TBC1D14: variants seen among roughly 807,000 people sequenced by gnomAD.
The protein encoded by TBC1D14 is TBC1 domain family, member 14.
TBC1D14 carries 26 observed loss-of-function variants against 79.0 expected under a neutral mutation model. The observed-to-expected ratio is 0.33, with a 90% CI of 0.24 to 0.46. TBC1D14 has a LOEUF of 0.46. Ranked by LOEUF, TBC1D14 falls within the 20% of genes least tolerant of loss-of-function variation. The pLI, the probability that TBC1D14 is intolerant of heterozygous loss-of-function variation, is 1.00. For synonymous variants in TBC1D14, 394 were observed against 349.9 expected (o/e 1.13, Z -1.40); for missense variants, 769 against 887.6 (o/e 0.87, Z 1.70).
intron 3 of TBC1D14, among the ~76,000 whole-genome samples, chr4:6,981,522 C>T (rs1279403984): frequency 6.6e-6 from 1 of 152,178 alleles, no homozygotes; most frequent in Admixed American, 6.5e-5. Context: ...TACTTCCTCA[C>T]TCATTTTAAA....
intron 2 of TBC1D14, among the ~76,000 whole-genome samples, chr4:6,924,524 C>CA (rs1292495543): frequency 6.6e-6 from 1 of 152,198 alleles, no homozygotes; most frequent in Non-Finnish European, 1.5e-5. Context: ...TGGCATAGTG[C>CA]AGTGCTGGCA....
rs541007963 is a variant in TBC1D14, at chr4:6,924,243, T to G, written c.722+132T>G. The stretch of plus-strand genomic sequence containing the variant: ...CTGTCTCACACAGATAATTGGGTCT[T>G]TTCCCAGAAGCCCGGAATCCTGTGG... On this transcript the variant is annotated intron_variant, in intron 2 of 13. Transcript: ENST00000409757. The G allele has an allele frequency of 1.6e-5, 21 of 1,287,856 alleles. No homozygotes were observed. The East Asian group carries it at 5.2e-4, about 32-fold the overall frequency. 79.8% of individuals were successfully genotyped at this position (1,287,856 alleles called of 1,614,324 possible).
intron 2 of TBC1D14, among the ~76,000 whole-genome samples, chr4:6,946,532 A>C (rs902532019): frequency 3.3e-5 from 5 of 152,146 alleles, no homozygotes. Context: ...CATGTTGGTC[A>C]TGCTGGTCTC....
At chr4:6,965,915 A>G (rs1715660963) in intron 2 of TBC1D14, among the ~76,000 whole-genome samples, 1 of 152,224 alleles carries the variant, frequency 6.6e-6, no homozygotes, top group African/African-American at 2.4e-5. Flanking sequence ...AGGAATTTGT[A>G]GGAGACACTT....
chr4:6,941,106 A>G lies in TBC1D14; in HGVS notation c.722+16995A>G, dbSNP rs75936575. Among the ~76,000 whole-genome samples, 1,138 of 151,568 alleles carry G rather than the reference A, an allele frequency of 7.5e-3. 18 individuals carry two copies. The highest frequency in any genetic ancestry group is 0.026 in the African/African-American group (1,067 of 41,166). On this transcript the variant is annotated intron_variant, in intron 2 of 13. Coordinates refer to ENST00000409757, the MANE Select transcript of TBC1D14 (RefSeq NM_020773.3). ...CCAGTGCTCGAGATGTTTGTTCTGA[A>G]TCCCACCTGGGTTTGATGGTCCATT...
At chr4:7,027,549 C>G (rs1722534500) in intron 13 of TBC1D14, among the ~76,000 whole-genome samples, 1 of 147,252 alleles carries the variant, frequency 6.8e-6, no homozygotes, top group African/African-American at 2.5e-5. Context: ...ACACAATCAC[C>G]ACACACCACA....
chr4:6,974,886 C>G (rs760350568), intron 3 of TBC1D14, among the ~76,000 whole-genome samples: 2 of 150,362 alleles, frequency 1.3e-5, no homozygotes, highest in East Asian at 1.9e-4. Flanking sequence ...TTTTGTGTGT[C>G]TGTTTTGTTT....
chr4:6,944,014 C>T (rs1713178269), intron 2 of TBC1D14, among the ~76,000 whole-genome samples: 1 of 127,676 alleles, frequency 7.8e-6, no homozygotes, highest in Admixed American at 8.7e-5. Flanking sequence ...GTCTGTGAAG[C>T]CGGCGCGTTC....
chr4:6,995,322 T>C (rs1379771874), intron 4 of TBC1D14: 1 of 152,234 alleles, frequency 6.6e-6, no homozygotes, highest in Non-Finnish European at 1.5e-5. Context: ...TCTTCATACA[T>C]ACATGTAACA....
At chr4:6,986,917 C>T (rs1472303750) in intron 3 of TBC1D14, among the ~76,000 whole-genome samples, 1 of 152,232 alleles carries the variant, frequency 6.6e-6, no homozygotes. Flanking sequence ...ACAATCACCC[C>T]GCCACCCAGA....
intron 3 of TBC1D14, among the ~76,000 whole-genome samples, chr4:6,982,826 G>C (rs73088564): frequency 0.12 from 17,499 of 152,144 alleles, 1,530 homozygotes; most frequent in African/African-American, 0.24. Flanking sequence ...GTATAGTGTG[G>C]TCTATGTGGC....
intron 1 of TBC1D14, 91 bp from the exon 2 acceptor site, chr4:6,923,282 A>G: frequency 7.2e-7 from 1 of 1,395,722 alleles, no homozygotes; most frequent in African/African-American, 1.4e-5. Context: ...TTCTCCCTTA[A>G]GTGAGATCAG....
intron 3 of TBC1D14, among the ~76,000 whole-genome samples, chr4:6,984,229 TC>T (rs1677927409): frequency 6.6e-6 from 1 of 152,192 alleles, no homozygotes; most frequent in Non-Finnish European, 1.5e-5. Flanking sequence ...TCTTTGTCTC[TC>T]TGAGCCTCAG....
intron 2 of TBC1D14, 38 bp from the exon 3 acceptor site, chr4:6,967,266 C>A: frequency 6.2e-7 from 1 of 1,605,862 alleles, no homozygotes; most frequent in East Asian, 2.2e-5. Flanking sequence ...TCTTGAATTA[C>A]CCAGAAATGC....
intron 1 of TBC1D14, among the ~76,000 whole-genome samples, chr4:6,912,322 G>GTGAGCC (rs2108892531): frequency 6.6e-6 from 1 of 151,306 alleles, no homozygotes; most frequent in East Asian, 1.9e-4. Context: ...GGAGGTTGCA[G>GTGAGCC]TGAGCCGAGA....
intron 2 of TBC1D14, among the ~76,000 whole-genome samples, chr4:6,934,799 C>G (rs767943160): frequency 6.6e-6 from 1 of 152,082 alleles, no homozygotes; most frequent in Non-Finnish European, 1.5e-5. Context: ...AGAATGGGGC[C>G]GGCATGGTGG....
At chr4:6,916,424 AC>A in intron 1 of TBC1D14, among the ~76,000 whole-genome samples, 1 of 152,316 alleles carries the variant, frequency 6.6e-6, no homozygotes, top group Admixed American at 6.5e-5. Flanking sequence ...GTGGGAACAC[AC>A]CTAGATCTCT....
chr4:6,969,197 A>G (rs1715994220), intron 3 of TBC1D14, among the ~76,000 whole-genome samples: 1 of 152,208 alleles, frequency 6.6e-6, no homozygotes, highest in Non-Finnish European at 1.5e-5. Flanking sequence ...GTGTAGGCTT[A>G]TTAAAATAGC....
intron 2 of TBC1D14, among the ~76,000 whole-genome samples, chr4:6,941,854 G>T (rs1253045679): frequency 6.6e-6 from 1 of 152,188 alleles, no homozygotes; most frequent in Non-Finnish European, 1.5e-5. Context: ...TCTTCCTGGA[G>T]GCTCCAGGTG....
Sources: gnomAD v4.1 joint callset for allele counts (sites outside exome capture counted in the v4.1 genomes callset) on GRCh38, gnomAD v4.1.1 for gene constraint, MANE v1.5 for transcripts, NCBI Gene and HGNC (gene_info 2026-07-23, HGNC 2026-07-21) for gene names.